MCM5: variants seen among roughly 807,000 people sequenced by gnomAD.
MCM5 encodes DNA replication licensing factor MCM5.
Under a neutral mutation model 79.9 loss-of-function variants are expected in MCM5, and 46 were observed. The ratio of observed to expected loss-of-function variants is 0.58; its 90% CI spans 0.45 to 0.74. The LOEUF (loss-of-function observed/expected upper bound fraction) is 0.74, where lower values mean the gene tolerates loss of function less well. MCM5 is among the 30% of genes least tolerant of loss of function. The pLI is 0.00. For missense variants in MCM5, 883 were observed against 1,017.0 expected, an observed-to-expected ratio of 0.87 and a Z score of 1.79; for synonymous variants, 404 against 390.5, an observed-to-expected ratio of 1.03 and a Z score of -0.41.
intron 2 of MCM5, chr22:35,401,870 C>G: frequency 2.7e-6 from 1 of 373,246 alleles, no homozygotes; most frequent in Non-Finnish European, 5.3e-6. Context: ...GACCTTTGAG[C>G]TAAGGTCAGA....
chr22:35,445,494 A>G, the MCM5 span, among the ~76,000 whole-genome samples: 1 of 119,112 alleles, frequency 8.4e-6, no homozygotes, highest in Admixed American at 8.1e-5. Flanking sequence ...ACACCCAGCT[A>G]ATTTTTGTAT....
the MCM5 span, among the ~76,000 whole-genome samples, chr22:35,430,620 A>C: frequency 1.3e-5 from 2 of 151,402 alleles, no homozygotes; most frequent in African/African-American, 4.9e-5. Context: ...CTTCTGCCTC[A>C]GCCTCCCGAG....
At chr22:35,445,982 T>C in the MCM5 span, among the ~76,000 whole-genome samples, 1 of 152,222 alleles carries the variant, frequency 6.6e-6, no homozygotes, top group Non-Finnish European at 1.5e-5. Flanking sequence ...CTGCATCTGG[T>C]TTATCTCCAC....
Position 35,419,893 on chromosome 22 carries a change from C to T in MCM5, c.1713C>T (p.Gly571=). The change falls in exon 14 of 17, where the codon GGC becomes GGT. Residue 571 remains glycine (G), a synonymous_variant. Transcript: ENST00000216122. The part of the protein sequence containing the change: ...KFIAYCRVKC[G]PRLSAEAAEK... ...CCCCACTGTCCTGCAGGAAGTGTGG[C>T]CCCCGGCTGTCAGCAGAGGCTGCAG... 6.2e-7 allele frequency: 1 copy of T among 1,610,194 alleles called. No individual in the cohort carries two copies. Among genetic ancestry groups the T allele is most frequent in the Non-Finnish European group, 8.5e-7 (1 of 1,177,914 alleles).
chr22:35,449,456 C>T, the MCM5 span, among the ~76,000 whole-genome samples: 1 of 152,084 alleles, frequency 6.6e-6, no homozygotes, highest in African/African-American at 2.4e-5. Flanking sequence ...CCAGCCATGG[C>T]CTCTTTTTCC....
chr22:35,417,977 G>T (rs896107606), intron 13 of MCM5, 121 bp downstream of exon 13: 4 of 684,100 alleles, frequency 5.8e-6, no homozygotes, highest in South Asian at 3.4e-5. Context: ...CTGTTCTGAG[G>T]TTCTCAGCTC....
At chr22:35,442,940 G>T in the MCM5 span, among the ~76,000 whole-genome samples, 1 of 152,136 alleles carries the variant, frequency 6.6e-6, no homozygotes, top group South Asian at 2.1e-4. Flanking sequence ...GTGAGGGTAC[G>T]TGTCCTTGGC....
At chr22:35,401,168 C>A (rs1932036849) in intron 2 of MCM5, among the ~76,000 whole-genome samples, 1 of 152,200 alleles carries the variant, frequency 6.6e-6, no homozygotes, top group Non-Finnish European at 1.5e-5. Flanking sequence ...GGGTGAGTCA[C>A]CTGTTGAGTG....
intron 6 of MCM5, 196 bp from the exon 7 acceptor site, chr22:35,410,548 G>T: frequency 1.7e-6 from 1 of 589,968 alleles, no homozygotes. Flanking sequence ...CCTCCAAGCA[G>T]CTGAGCATGG....
the MCM5 span, among the ~76,000 whole-genome samples, chr22:35,444,578 T>C: frequency 6.6e-6 from 1 of 152,044 alleles, no homozygotes; most frequent in Non-Finnish European, 1.5e-5. Flanking sequence ...TGGAGGTCCC[T>C]CCTGTGGGGT....
At chr22:35,424,094 G>A in intron 16 of MCM5, 60 bp from the exon 17 acceptor site, 1 of 1,137,004 alleles carries the variant, frequency 8.8e-7, no homozygotes, top group Non-Finnish European at 1.3e-6. Flanking sequence ...GGGGATGTCT[G>A]GGCTCTGTCG....
At chr22:35,404,573 G>A (rs1001158682) in intron 4 of MCM5, among the ~76,000 whole-genome samples, 4 of 152,210 alleles carry the variant, frequency 2.6e-5, no homozygotes, top group African/African-American at 9.7e-5. Context: ...CTTATGGGTG[G>A]TATTGGATCC....
rs145245324 is a variant in MCM5 at position 35,416,448 on chromosome 22, G to C, written c.1413+44G>C. On this transcript the variant is annotated intron_variant, in intron 11 of 16. Coordinates refer to ENST00000216122, the MANE Select transcript of MCM5 (RefSeq NM_006739.4). The stretch of plus-strand genomic sequence containing the variant: ...AGAGCCCAGCCTGCAGCAGCCCAGC[G>C]TGGCCCAACCGTCCTCAGGCTGCCC... The C allele has an allele frequency of 5.3e-4, 852 of 1,598,942 alleles. 11 individuals are homozygous for C. In the African/African-American group the frequency reaches 7.6e-3, roughly 14 times the overall value.
At chr22:35,400,273 T>G in intron 1 of MCM5, 65 bp downstream of exon 1, 1 of 718,090 alleles carries the variant, frequency 1.4e-6, no homozygotes, top group South Asian at 1.7e-5. Context: ...CGGGTGTAGT[T>G]GGAGTGGGAC....
chr22:35,414,037 G>T (rs894886916), intron 9 of MCM5, 51 bp downstream of exon 9: 9 of 1,244,606 alleles, frequency 7.2e-6, no homozygotes, highest in East Asian at 4.7e-5. Context: ...GAGGAAGGCT[G>T]CAGGGCAGGG....
At chr22:35,409,191 C>T (rs1932304395) in intron 6 of MCM5, among the ~76,000 whole-genome samples, 1 of 152,196 alleles carries the variant, frequency 6.6e-6, no homozygotes, top group South Asian at 2.1e-4. Context: ...TCTCGATCTC[C>T]TGACCTCATG....
At chr22:35,402,924 G>GT (rs1247307694) in intron 2 of MCM5, among the ~76,000 whole-genome samples, 1 of 152,240 alleles carries the variant, frequency 6.6e-6, no homozygotes, top group Admixed American at 6.5e-5. Flanking sequence ...GAACTGGTTT[G>GT]TTGTTTTGTG....
downstream of MCM5, among the ~76,000 whole-genome samples, chr22:35,428,997 T>TTTTTC (rs1314299071): frequency 6.9e-6 from 1 of 145,012 alleles, no homozygotes; most frequent in African/African-American, 2.6e-5. Flanking sequence ...TTTTTTTTTT[T>TTTTTC]CTTTTTTGAG....
At chr22:35,402,963 TTGACTGTCTTG>T (rs1187792669) in intron 2 of MCM5, among the ~76,000 whole-genome samples, 1 of 152,210 alleles carries the variant, frequency 6.6e-6, no homozygotes, top group Non-Finnish European at 1.5e-5. Flanking sequence ...GAAACATCCT[TTGACTGTCTTG>T]TGGACCCCTT....
Sources: allele counts gnomAD v4.1 joint callset (sites outside exome capture counted in the v4.1 genomes callset), GRCh38; gene constraint gnomAD v4.1.1; transcripts MANE v1.5; gene names NCBI Gene and HGNC (gene_info 2026-07-23, HGNC 2026-07-21).